SLC4A1: variants seen among roughly 807,000 people sequenced by gnomAD.
The protein encoded by SLC4A1 is band 3 anion transport protein.
SLC4A1 carries 29 observed loss-of-function variants against 93.1 expected under a neutral mutation model. That is an observed-to-expected ratio of 0.31 (90% CI 0.23 to 0.42). The LOEUF (loss-of-function observed/expected upper bound fraction) is 0.42, where lower values mean the gene tolerates loss of function less well. Among genes scored for constraint, SLC4A1 ranks in the 20% least tolerant of loss-of-function variants. The pLI, the probability that SLC4A1 is intolerant of heterozygous loss-of-function variation, is 1.00. For missense variants in SLC4A1, 965 were observed against 1,190.1 expected (o/e 0.81, Z 2.78); for synonymous variants, 469 against 497.2 (o/e 0.94, Z 0.76).
rs1380205574 is a variant in SLC4A1, at chr17:44,260,701, C to G, written c.283G>C (p.Gly95Arg). 1.2e-6 allele frequency: 2 copies of G among 1,614,156 alleles called. No individual in the cohort carries two copies. Among genetic ancestry groups the G allele is most frequent in the Admixed American group, 3.3e-5 (2 of 60,024 alleles). Reference sequence around the variant, plus strand: ...GTGAGGTGAGAGAGGTGCGGGCGGCCCCAGGCCCCATTCTCCCCCAGGTTC... The same window carrying G: ...GTGAGGTGAGAGAGGTGCGGGCGGCGCCAGGCCCCATTCTCCCCCAGGTTC... Reference protein sequence around the residue: ...EENLGENGAWGRPHLSHLTFW... With the variant: ...EENLGENGAWRRPHLSHLTFW... The change falls in exon 5 of 20, where the codon GGC (glycine) becomes CGC (arginine). Residue 95 changes from glycine to arginine, a missense_variant. Around this residue, in one of 2 missense-constraint regions of SLC4A1, gnomAD observed 195 missense variants for 183.5 expected, o/e 1.06. Coordinates refer to ENST00000262418, the MANE Select transcript of SLC4A1 (RefSeq NM_000342.4).
At chr17:44,254,471 G>GCCCCCCCCCCCC in intron 16 of SLC4A1, 25 bp downstream of exon 16, 2 of 1,507,954 alleles carry the variant, frequency 1.3e-6, no homozygotes, top group Non-Finnish European at 1.8e-6. Context: ...ACCCTCCCAG[G>GCCCCCCCCCCCC]CCCAGCCCCC....
intron 16 of SLC4A1, 145 bp downstream of exon 16, chr17:44,254,351 C>G: frequency 1.3e-6 from 1 of 742,116 alleles, no homozygotes; most frequent in Non-Finnish European, 2.3e-6. Flanking sequence ...CTGCCCCTGG[C>G]TTTTCACTAT....
rs567433499 is a variant in SLC4A1, at chr17:44,263,407, C to T, written c.-68-473G>A. On this transcript the variant is annotated intron_variant, in intron 1 of 19. Coordinates refer to ENST00000262418, the MANE Select transcript of SLC4A1 (RefSeq NM_000342.4). Reference sequence around the variant, plus strand: ...GGCTGCAGCATCCTTGGGAGTGGTCCGCAGGTCTGGACGATGTGGTCCTAC... The same window carrying T: ...GGCTGCAGCATCCTTGGGAGTGGTCTGCAGGTCTGGACGATGTGGTCCTAC... Among the ~76,000 whole-genome samples, 15 of 152,224 alleles carry T rather than the reference C, an allele frequency of 9.9e-5. No homozygotes were observed. The South Asian group carries it at 2.1e-3, about 21-fold the overall frequency.
intron 1 of SLC4A1, 45 bp from the exon 2 acceptor site, chr17:44,262,979 G>A: frequency 6.5e-7 from 1 of 1,535,846 alleles, no homozygotes; most frequent in Non-Finnish European, 8.9e-7. Flanking sequence ...GGCATCCCAG[G>A]GTCTCCTGGT....
chr17:44,254,468 CA>C, intron 16 of SLC4A1, 27 bp downstream of exon 16: 2 of 1,490,360 alleles, frequency 1.3e-6, no homozygotes, highest in Non-Finnish European at 1.9e-6. Context: ...CCCACCCTCC[CA>C]GGCCCAGCCC....
intron 1 of SLC4A1, among the ~76,000 whole-genome samples, chr17:44,264,937 T>A (rs2047482519): frequency 6.8e-6 from 1 of 146,002 alleles, no homozygotes; most frequent in African/African-American, 2.5e-5. Context: ...CAACAAAGGT[T>A]CCCACTCTGT....
chr17:44,260,880 A>G lies in SLC4A1; in HGVS notation c.169-65T>C, dbSNP rs2854528. ...TCCAGGGCATAGTGGGTGCTCAGCC[A>G]CTCTCGAGAGAGGCTTGTGCTTGTG... On this transcript the variant is annotated intron_variant, in intron 4 of 19. Transcript: ENST00000262418. The G allele has an allele frequency of 0.12, 187,943 of 1,560,688 alleles. 12,251 individuals are homozygous for G. The highest frequency in any genetic ancestry group is 0.23 in the African/African-American group (17,301 of 74,052).
chr17:44,263,660 A>G (rs1279556055), intron 1 of SLC4A1, among the ~76,000 whole-genome samples: 1 of 145,144 alleles, frequency 6.9e-6, no homozygotes, highest in African/African-American at 2.8e-5. Context: ...CCTTGACCCA[A>G]TCTGTCATGT....
intron 1 of SLC4A1, 59 bp from the exon 2 acceptor site, chr17:44,262,993 C>A: frequency 7.0e-7 from 1 of 1,429,842 alleles, no homozygotes; most frequent in South Asian, 1.1e-5. Flanking sequence ...TCCTGGTCCT[C>A]CTCCAGAGGG....
chr17:44,251,730 T>TG lies in SLC4A1; in HGVS notation c.2312-143_2312-142insC, dbSNP rs201794008. ...TTTTCCTTTTCTTTTCTTTTTTTTT[T>TG]TTTTTTTTTGTTTTTTTTTTTGAGA... On this transcript the variant is annotated intron_variant, in intron 17 of 19. Coordinates refer to ENST00000262418, the MANE Select transcript of SLC4A1 (RefSeq NM_000342.4). 29,805 of 659,136 alleles carry TG rather than the reference T, an allele frequency of 0.045. 1,082 individuals are homozygous for TG. Among genetic ancestry groups the TG allele is most frequent in the Non-Finnish European group, 0.058 (23,495 of 403,498 alleles). The allele number at this position is 659,136 out of a possible 1,614,324, so 40.8% of individuals were successfully genotyped here.
At chr17:44,250,618 CTGGA>C in intron 19 of SLC4A1, 80 bp from the exon 20 acceptor site, 2 of 1,093,290 alleles carry the variant, frequency 1.8e-6, no homozygotes, top group Non-Finnish European at 2.8e-6. Flanking sequence ...AAAGGCACCT[CTGGA>C]GTTAGGAGAG....
Position 44,259,907 on chromosome 17 carries a change from C to G in SLC4A1, c.511G>C (p.Gly171Arg), listed in dbSNP as rs576351762. 1.8e-5 allele frequency: 29 copies of G among 1,613,920 alleles called. No individual in the cohort carries two copies. Among genetic ancestry groups the G allele is most frequent in the Non-Finnish European group, 2.5e-5 (29 of 1,180,010 alleles). ...HSHAGELEAL[G>R]GVKPAVLTRS... ...GTCAGGACTGCAGGCTTCACACCCC[C>G]CAGGGCCTCCAGCTCTCCAGCGTGG... Residue 171 changes from glycine (G) to arginine (R), a missense_variant, in exon 7 of 20, where the codon GGG becomes CGG. By Grantham distance (125) the Gly-to-Arg change is moderately radical. Around this residue, in one of 2 missense-constraint regions of SLC4A1, gnomAD observed 770 missense variants for 1,006.6 expected, o/e 0.76. Coordinates refer to ENST00000262418, the MANE Select transcript of SLC4A1 (RefSeq NM_000342.4).
intron 17 of SLC4A1, 136 bp from the exon 18 acceptor site, chr17:44,251,724 T>TC (rs1423547599): frequency 9.2e-4 from 593 of 641,584 alleles, no homozygotes; most frequent in Middle Eastern, 1.3e-3. Context: ...TCTTTTCTTT[T>TC]TTTTTTTTTT....
At position 44,257,929 on chromosome 17, in the gene SLC4A1, G is replaced by A. The variant is rs748735951; in HGVS notation, c.1282+57C>T. ...TCAGACAGAGTCAGAAGTTGGGGCT[G>A]AGACAGAGGCCAGAGGGTCAGAGGC... On this transcript the variant is annotated intron_variant, in intron 11 of 19. Transcript: ENST00000262418. 9 of 1,609,720 alleles carry A rather than the reference G, an allele frequency of 5.6e-6. No individual in the cohort carries two copies. In the Admixed American group the frequency reaches 1.0e-4, roughly 18 times the overall value.
intron 5 of SLC4A1, 26 bp downstream of exon 5, chr17:44,260,609 G>A: frequency 6.2e-7 from 1 of 1,614,102 alleles, no homozygotes; most frequent in Non-Finnish European, 8.5e-7. Flanking sequence ...ATCTGCAGGG[G>A]GTCCAGAAGG....
intron 16 of SLC4A1, 25 bp downstream of exon 16, chr17:44,254,471 G>GGC: frequency 6.0e-6 from 9 of 1,507,942 alleles, no homozygotes; most frequent in South Asian, 1.1e-5. Flanking sequence ...ACCCTCCCAG[G>GGC]CCCAGCCCCC....
intron 16 of SLC4A1, among the ~76,000 whole-genome samples, chr17:44,254,256 G>A (rs1391884060): frequency 2.0e-5 from 3 of 152,002 alleles, no homozygotes; most frequent in Non-Finnish European, 2.9e-5. Flanking sequence ...GATTACGGGC[G>A]TGAGCCACCG....
At chr17:44,261,694 C>A in intron 3 of SLC4A1, 58 bp from the exon 4 acceptor site, 2 of 1,613,660 alleles carry the variant, frequency 1.2e-6, no homozygotes, top group Non-Finnish European at 1.7e-6. Context: ...AGGCTCTTCA[C>A]CATCCACTGT....
chr17:44,253,802 G>T (rs1164687006), intron 16 of SLC4A1, among the ~76,000 whole-genome samples: 4 of 151,676 alleles, frequency 2.6e-5, no homozygotes, highest in Admixed American at 6.6e-5. Flanking sequence ...CTCCCAAGTA[G>T]CTGGGACTAC....
Sources: gnomAD v4.1 joint callset for allele counts (sites outside exome capture counted in the v4.1 genomes callset) on GRCh38, gnomAD v4.1.1 for gene constraint, gnomAD v4.1.1 regional missense constraint, MANE v1.5 for transcripts, NCBI Gene and HGNC (gene_info 2026-07-23, HGNC 2026-07-21) for gene names.